The following GPC6 variants were observed in gnomAD, a reference collection of about 807,000 sequenced individuals.
GPC6 encodes glypican-6.
In GPC6, 14 loss-of-function variants were observed where a neutral mutation model predicts 55.2. That is an observed-to-expected ratio of 0.25 (90% confidence interval 0.17 to 0.40). The LOEUF (loss-of-function observed/expected upper bound fraction) is 0.40, where lower values mean the gene tolerates loss of function less well. Ranked by LOEUF, GPC6 falls within the 10% of genes least tolerant of loss-of-function variation. The pLI, the probability that GPC6 is intolerant of heterozygous loss-of-function variation, is 1.00. For missense variants in GPC6, 641 were observed against 708.5 expected, an observed-to-expected ratio of 0.90 and a Z score of 1.08; for synonymous variants, 278 against 259.6, an observed-to-expected ratio of 1.07 and a Z score of -0.68.
chr13:93,583,151 C>A (rs187903027), intron 2 of GPC6, among the ~76,000 whole-genome samples: 195 of 152,140 alleles, frequency 1.3e-3, no homozygotes, highest in Admixed American at 2.4e-3. Flanking sequence ...GTATTCTTGA[C>A]CCCAAATAAA....
intron 2 of GPC6, among the ~76,000 whole-genome samples, chr13:93,804,555 G>A (rs574910352): frequency 7.9e-5 from 12 of 152,132 alleles, no homozygotes; most frequent in Admixed American, 3.3e-4. Flanking sequence ...AAATCTACAT[G>A]CCATAACTTA....
intron 6 of GPC6, among the ~76,000 whole-genome samples, chr13:94,375,487 GACTAA>G: frequency 6.6e-6 from 1 of 152,176 alleles, no homozygotes; most frequent in Middle Eastern, 3.4e-3. Flanking sequence ...ACTCTCCCAA[GACTAA>G]ACCAGGAAGA....
rs182301432 is a variant in GPC6, at chr13:93,496,386, G to A, written c.161-48877G>A. ...AATGCCTCGCCCTGCTTCGGCTCGCGCACCCACTGGCCTGCGCCCACTGTC... is the reference window on the plus strand; with the variant it reads ...AATGCCTCGCCCTGCTTCGGCTCGCACACCCACTGGCCTGCGCCCACTGTC... On this transcript the variant is annotated intron_variant, in intron 1 of 8. Coordinates refer to ENST00000377047, the MANE Select transcript of GPC6 (RefSeq NM_005708.5). Among the ~76,000 whole-genome samples, 530 of 152,206 alleles carry A rather than the reference G, an allele frequency of 3.5e-3. 17 individuals are homozygous for A. The East Asian group carries it at 0.055, about 16-fold the overall frequency.
intron 2 of GPC6, among the ~76,000 whole-genome samples, chr13:93,599,286 TA>T (rs66801721): frequency 0.078 from 10,876 of 139,244 alleles, 594 homozygotes; most frequent in African/African-American, 0.17. Flanking sequence ...CAAATATTGG[TA>T]AAAAAAAAAA....
At chr13:94,146,551 A>AT (rs1260012460) in intron 4 of GPC6, among the ~76,000 whole-genome samples, 1 of 152,124 alleles carries the variant, frequency 6.6e-6, no homozygotes, top group African/African-American at 2.4e-5. Flanking sequence ...AGGTTTCCAG[A>AT]TAGCAGTGTT....
At chr13:93,551,512 C>T (rs1465452662) in intron 2 of GPC6, among the ~76,000 whole-genome samples, 3 of 152,154 alleles carry the variant, frequency 2.0e-5, no homozygotes, top group African/African-American at 7.2e-5. Context: ...TAAGCATGTT[C>T]TTCTCTTAGT....
chr13:93,706,965 G>C (rs927742498), intron 2 of GPC6, among the ~76,000 whole-genome samples: 1 of 151,790 alleles, frequency 6.6e-6, no homozygotes, highest in African/African-American at 2.4e-5. Flanking sequence ...GCCTTCTCTA[G>C]TGAACTGGGC....
At position 93,912,660 on chromosome 13, in the gene GPC6, G is replaced by A. The variant is rs371005030; in HGVS notation, c.711+82115G>A. 3.2e-4 allele frequency among the ~76,000 whole-genome samples: 48 copies of A among 152,198 alleles called. No individual in the cohort carries two copies. In the East Asian group the frequency reaches 6.6e-3, roughly 21 times the overall value. ...CGGGAGGCTGAGGCAGGAGAATGGC[G>A]TGAACCCAGGAGGCAGAGCTTGCAG... On this transcript the variant is annotated intron_variant, in intron 3 of 8. Coordinates refer to ENST00000377047, the MANE Select transcript of GPC6 (RefSeq NM_005708.5).
At chr13:93,864,462 T>C (rs1287024982) in intron 3 of GPC6, among the ~76,000 whole-genome samples, 1 of 151,682 alleles carries the variant, frequency 6.6e-6, no homozygotes, top group Non-Finnish European at 1.5e-5. Context: ...CACTGCCTGG[T>C]ACCCGCCTTG....
chr13:93,950,866 A>C (rs933224734), intron 3 of GPC6, among the ~76,000 whole-genome samples: 1 of 152,078 alleles, frequency 6.6e-6, no homozygotes, highest in Non-Finnish European at 1.5e-5. Context: ...AGTTCTAAAA[A>C]GCAATTTGTG....
At chr13:93,297,716 T>A (rs912520975) in intron 1 of GPC6, among the ~76,000 whole-genome samples, 3 of 152,092 alleles carry the variant, frequency 2.0e-5, no homozygotes, top group African/African-American at 7.2e-5. Context: ...AAATTCCTTA[T>A]CATTTGGTTG....
intron 3 of GPC6, among the ~76,000 whole-genome samples, chr13:93,996,066 C>A (rs1881538957): frequency 6.6e-6 from 1 of 152,114 alleles, no homozygotes; most frequent in Admixed American, 6.6e-5. Flanking sequence ...TTGAAATTAT[C>A]ACTTGTTATT....
intron 2 of GPC6, among the ~76,000 whole-genome samples, chr13:93,769,851 A>G (rs1301438314): frequency 6.6e-6 from 1 of 152,198 alleles, no homozygotes; most frequent in Non-Finnish European, 1.5e-5. Context: ...AGGCACCAGC[A>G]TCACCTGGAA....
chr13:93,993,182 A>G (rs1881386714), intron 3 of GPC6, among the ~76,000 whole-genome samples: 1 of 152,102 alleles, frequency 6.6e-6, no homozygotes, highest in African/African-American at 2.4e-5. Context: ...CGTCCTCTAT[A>G]TATGTACAAC....
intron 1 of GPC6, among the ~76,000 whole-genome samples, chr13:93,407,293 T>A (rs903292489): frequency 1.3e-5 from 2 of 152,062 alleles, no homozygotes; most frequent in Non-Finnish European, 2.9e-5. Context: ...AAAGCAAATA[T>A]GGCAAAAATA....
chr13:94,286,225 A>G (rs561525279), intron 4 of GPC6, 124 bp from the exon 5 acceptor site: 1 of 925,476 alleles, frequency 1.1e-6, no homozygotes, highest in East Asian at 2.6e-5. Flanking sequence ...GACTATATGA[A>G]AGCAAATTTA....
intron 4 of GPC6, among the ~76,000 whole-genome samples, chr13:94,063,981 G>A (rs1884428224): frequency 6.6e-6 from 1 of 152,122 alleles, no homozygotes; most frequent in African/African-American, 2.4e-5. Flanking sequence ...ATATTAGCTG[G>A]ATAATGTGCA....
intron 2 of GPC6, among the ~76,000 whole-genome samples, chr13:93,819,100 C>T (rs1323465436): frequency 6.6e-6 from 1 of 152,088 alleles, no homozygotes; most frequent in Non-Finnish European, 1.5e-5. Context: ...TAATGGGCAC[C>T]CTGGGTTGAA....
intron 3 of GPC6, among the ~76,000 whole-genome samples, chr13:93,844,362 C>G (rs926464677): frequency 2.0e-5 from 3 of 152,166 alleles, no homozygotes; most frequent in Non-Finnish European, 4.4e-5. Context: ...TGGTCTCGAT[C>G]TCTTGACCTC....
Sources: allele counts gnomAD v4.1 joint callset (sites outside exome capture counted in the v4.1 genomes callset), GRCh38; gene constraint gnomAD v4.1.1; transcripts MANE v1.5; gene names NCBI Gene and HGNC (gene_info 2026-07-23, HGNC 2026-07-21).